Variants in ULK4 observed in about 807,000 individuals in gnomAD.
The protein encoded by ULK4 is unc-51 like kinase 4.
ULK4 carries 133 observed loss-of-function variants against 160.6 expected under a neutral mutation model. That is an observed-to-expected ratio of 0.83 (90% CI 0.72 to 0.96). ULK4 has a LOEUF of 0.96. ULK4 is among the 40% of genes least tolerant of loss of function. The probability of loss-of-function intolerance (pLI) is 0.00; values close to 1 mark genes in which losing one functional copy is unlikely to be tolerated. For missense variants in ULK4, 1,580 were observed against 1,499.5 expected (o/e 1.05, Z -0.89); for synonymous variants, 534 against 539.8 (o/e 0.99, Z 0.15).
intron 32 of ULK4, among the ~76,000 whole-genome samples, chr3:41,510,692 T>C (rs539623163): frequency 6.6e-6 from 1 of 152,220 alleles, no homozygotes; most frequent in East Asian, 1.9e-4. Flanking sequence ...CTCAAAACCA[T>C]GCAAATACAT....
intron 32 of ULK4, among the ~76,000 whole-genome samples, chr3:41,475,274 A>C (rs974016429): frequency 1.3e-5 from 2 of 152,220 alleles, no homozygotes; most frequent in African/African-American, 4.8e-5. Context: ...CATATACATA[A>C]CATCTAAAAC....
chr3:41,547,336 C>A (rs2086897376), intron 32 of ULK4, among the ~76,000 whole-genome samples: 1 of 151,652 alleles, frequency 6.6e-6, no homozygotes, highest in African/African-American at 2.4e-5. Context: ...ATTACAGCAT[C>A]TAAGAGAGAG....
chr3:41,279,786 A>G (rs1338053229), intron 35 of ULK4, among the ~76,000 whole-genome samples: 1 of 151,964 alleles, frequency 6.6e-6, no homozygotes, highest in Non-Finnish European at 1.5e-5. Context: ...ATGAGGCCAC[A>G]CATAATAATA....
At chr3:41,706,887 G>GTATATA (rs1307598448) in intron 25 of ULK4, among the ~76,000 whole-genome samples, 11 of 127,534 alleles carry the variant, frequency 8.6e-5, no homozygotes, top group African/African-American at 4.1e-4. Flanking sequence ...GTGTGTGTGT[G>GTATATA]TGTATATATA....
At position 41,721,636 on chromosome 3, in the gene ULK4, G is replaced by A. The variant is rs553963609; in HGVS notation, c.2322-3775C>T. Among the ~76,000 whole-genome samples, 13 of 151,808 alleles carry A rather than the reference G, an allele frequency of 8.6e-5. No homozygotes were observed. In the East Asian group the frequency reaches 2.3e-3, roughly 27 times the overall value. ...CCGCCTCAGCCTCCCAAAGTGCTGG[G>A]ATTACAGGCGTGAGCCACCATGCCT... On this transcript the variant is annotated intron_variant, in intron 22 of 36. Coordinates refer to ENST00000301831, the MANE Select transcript of ULK4 (RefSeq NM_017886.4).
intron 1 of ULK4, among the ~76,000 whole-genome samples, chr3:41,961,444 G>A (rs778468685): frequency 6.6e-6 from 1 of 151,644 alleles, no homozygotes; most frequent in African/African-American, 2.4e-5. Flanking sequence ...TCAACCCCGA[G>A]ATGTAACCGA....
At chr3:41,688,422 ATC>A (rs2036170587) in intron 27 of ULK4, among the ~76,000 whole-genome samples, 2 of 152,352 alleles carry the variant, frequency 1.3e-5, no homozygotes, top group East Asian at 3.9e-4. Context: ...TAGATGGTTT[ATC>A]AAAGGTACTT....
chr3:41,526,401 A>T (rs978164486), intron 32 of ULK4, among the ~76,000 whole-genome samples: 1 of 152,172 alleles, frequency 6.6e-6, no homozygotes, highest in African/African-American at 2.4e-5. Context: ...CAAGAGACCC[A>T]TGTGGCCACA....
chr3:41,251,858 A>C (rs2078748802), intron 35 of ULK4, among the ~76,000 whole-genome samples: 1 of 152,216 alleles, frequency 6.6e-6, no homozygotes, highest in African/African-American at 2.4e-5. Flanking sequence ...GAGAACCAGA[A>C]AGTACTGGGG....
intron 5 of ULK4, among the ~76,000 whole-genome samples, chr3:41,930,333 T>C (rs953312796): frequency 2.6e-5 from 4 of 152,036 alleles, no homozygotes; most frequent in African/African-American, 9.7e-5. Flanking sequence ...TATACAAAAA[T>C]TAATTCAAGA....
At chr3:41,513,007 C>T (rs988688875) in intron 32 of ULK4, among the ~76,000 whole-genome samples, 1 of 6,774 alleles carries the variant, frequency 1.5e-4, no homozygotes, top group African/African-American at 2.1e-4. Context: ...AATCAGCTAA[C>T]TGATTTTGGA....
intron 34 of ULK4, among the ~76,000 whole-genome samples, chr3:41,401,910 G>C (rs2082189514): frequency 6.6e-6 from 1 of 152,132 alleles, no homozygotes; most frequent in African/African-American, 2.4e-5. Context: ...AAAATAAACA[G>C]GGATGCTGTT....
At chr3:41,290,914 G>A (rs2079547358) in intron 35 of ULK4, among the ~76,000 whole-genome samples, 1 of 152,204 alleles carries the variant, frequency 6.6e-6, no homozygotes, top group Non-Finnish European at 1.5e-5. Context: ...CATTTGGAAG[G>A]CAGACAAAGA....
intron 21 of ULK4, among the ~76,000 whole-genome samples, chr3:41,787,119 C>T (rs2040019706): frequency 6.6e-6 from 1 of 152,092 alleles, no homozygotes; most frequent in Non-Finnish European, 1.5e-5. Flanking sequence ...ACACCCCAAC[C>T]CCACCAGCAA....
At chr3:41,877,813 C>T (rs1697364381) in intron 17 of ULK4, among the ~76,000 whole-genome samples, 1 of 151,816 alleles carries the variant, frequency 6.6e-6, no homozygotes, top group Non-Finnish European at 1.5e-5. Context: ...GAAACCCCAT[C>T]TCTACTAAAA....
intron 34 of ULK4, among the ~76,000 whole-genome samples, chr3:41,428,040 A>C (rs2082817246): frequency 6.6e-6 from 1 of 152,014 alleles, no homozygotes; most frequent in African/African-American, 2.4e-5. Context: ...TCAGCCCAAA[A>C]GTTTAAGCTG....
At chr3:41,341,337 G>A (rs573636457) in intron 35 of ULK4, among the ~76,000 whole-genome samples, 14 of 152,144 alleles carry the variant, frequency 9.2e-5, no homozygotes, top group African/African-American at 3.4e-4. Flanking sequence ...TATTCACTTC[G>A]GCTTGACCAT....
At chr3:41,411,134 G>A (rs190017795) in intron 34 of ULK4, among the ~76,000 whole-genome samples, 104 of 152,248 alleles carry the variant, frequency 6.8e-4, no homozygotes, top group African/African-American at 2.5e-3. Flanking sequence ...AGGGGTAGAA[G>A]GGAACTTCTT....
At chr3:41,643,802 T>C (rs1038766048) in intron 30 of ULK4, among the ~76,000 whole-genome samples, 5 of 152,224 alleles carry the variant, frequency 3.3e-5, no homozygotes, top group African/African-American at 1.2e-4. Flanking sequence ...ATTTTCACAA[T>C]ATTGATACTT....
Sources: allele counts gnomAD v4.1 joint callset (sites outside exome capture counted in the v4.1 genomes callset), GRCh38; gene constraint gnomAD v4.1.1; transcripts MANE v1.5; gene names NCBI Gene and HGNC (gene_info 2026-07-23, HGNC 2026-07-21).